The following ANKS1B variants were observed in gnomAD, a reference collection of about 807,000 sequenced individuals.
ANKS1B encodes the protein ankyrin repeat and sterile alpha motif domain-containing protein 1B.
ANKS1B carries 36 observed loss-of-function variants against 148.3 expected under a neutral mutation model. The observed-to-expected ratio is 0.24, with a 90% CI of 0.19 to 0.32. ANKS1B has a LOEUF of 0.32. Ranked by LOEUF, ANKS1B falls within the 10% of genes least tolerant of loss-of-function variation. ANKS1B has a pLI of 1.00. For missense variants in ANKS1B, 1,157 were observed against 1,542.6 expected, an observed-to-expected ratio of 0.75 and a Z score of 4.19; for synonymous variants, 542 against 560.8, an observed-to-expected ratio of 0.97 and a Z score of 0.47.
intron 1 of ANKS1B, among the ~76,000 whole-genome samples, chr12:99,916,912 A>G (rs1209183425): frequency 1.3e-5 from 2 of 152,240 alleles, no homozygotes; most frequent in Admixed American, 6.5e-5. Context: ...ACATATTTGG[A>G]AACATTAGAG....
At chr12:98,944,068 G>C (rs186106823) in intron 17 of ANKS1B, among the ~76,000 whole-genome samples, 1 of 152,244 alleles carries the variant, frequency 6.6e-6, no homozygotes, top group African/African-American at 2.4e-5. Context: ...GGGAGGCCGA[G>C]GCGGTTGGAA....
At chr12:99,575,478 AAGGAAAG>A (rs1326679369) in intron 9 of ANKS1B, among the ~76,000 whole-genome samples, 1 of 152,062 alleles carries the variant, frequency 6.6e-6, no homozygotes, top group Non-Finnish European at 1.5e-5. Flanking sequence ...GTAATTTATA[AAGGAAAG>A]AGGTTTAATT....
At chr12:99,505,066 A>C (rs2096694915) in intron 9 of ANKS1B, among the ~76,000 whole-genome samples, 1 of 151,886 alleles carries the variant, frequency 6.6e-6, no homozygotes, top group African/African-American at 2.4e-5. Flanking sequence ...GTGGGAAAAA[A>C]TTTTTCCCCA....
chr12:99,615,963 T>C (rs1397569735), intron 9 of ANKS1B, among the ~76,000 whole-genome samples: 1 of 152,090 alleles, frequency 6.6e-6, no homozygotes, highest in Non-Finnish European at 1.5e-5. Flanking sequence ...AAAATCAATG[T>C]GCAAAAATCA....
chr12:99,027,088 A>G (rs2099949183), intron 17 of ANKS1B, among the ~76,000 whole-genome samples: 1 of 152,190 alleles, frequency 6.6e-6, no homozygotes, highest in Non-Finnish European at 1.5e-5. Flanking sequence ...GATCCAGAAT[A>G]AGTTATTTAT....
At chr12:99,952,134 T>C (rs2095236305) in intron 1 of ANKS1B, among the ~76,000 whole-genome samples, 1 of 152,182 alleles carries the variant, frequency 6.6e-6, no homozygotes, top group Admixed American at 6.5e-5. Flanking sequence ...AAGTTTTCTA[T>C]AACAAAATTG....
intron 17 of ANKS1B, among the ~76,000 whole-genome samples, chr12:98,892,527 C>G (rs551630551): frequency 6.6e-6 from 1 of 152,184 alleles, no homozygotes; most frequent in South Asian, 2.1e-4. Context: ...CATTTCTGAC[C>G]AAAGGTAATC....
chr12:99,007,653 A>T (rs1424563048), intron 17 of ANKS1B, among the ~76,000 whole-genome samples: 1 of 152,078 alleles, frequency 6.6e-6, no homozygotes, highest in Non-Finnish European at 1.5e-5. Context: ...TTACTCAAGG[A>T]TCTACTGTGG....
intron 9 of ANKS1B, among the ~76,000 whole-genome samples, chr12:99,604,413 A>T (rs1211755643): frequency 3.9e-5 from 6 of 152,110 alleles, no homozygotes; most frequent in African/African-American, 1.4e-4. Context: ...TGGGTCAAAA[A>T]GACTTAATTT....
intron 22 of ANKS1B, among the ~76,000 whole-genome samples, chr12:98,786,820 G>C (rs2153536636): frequency 6.6e-6 from 1 of 152,254 alleles, no homozygotes; most frequent in African/African-American, 2.4e-5. Context: ...AGGCTAATGT[G>C]GGGAGGACGC....
intron 11 of ANKS1B, among the ~76,000 whole-genome samples, chr12:99,412,324 G>A (rs2094737270): frequency 6.6e-6 from 1 of 152,136 alleles, no homozygotes; most frequent in African/African-American, 2.4e-5. Context: ...AGGAGCTTCA[G>A]GGGGTCCTTC....
chr12:99,532,983 C>T (rs550074628), intron 9 of ANKS1B, among the ~76,000 whole-genome samples: 1 of 152,124 alleles, frequency 6.6e-6, no homozygotes, highest in African/African-American at 2.4e-5. Context: ...TGTTCTTTTT[C>T]CTTAGGACTG....
At chr12:99,173,144 C>A (rs1159032204) in intron 14 of ANKS1B, among the ~76,000 whole-genome samples, 1 of 152,106 alleles carries the variant, frequency 6.6e-6, no homozygotes, top group East Asian at 1.9e-4. Context: ...AGAAGAGGCA[C>A]TGAATTTATT....
rs182514576 is a variant in ANKS1B at position 98,785,913 on chromosome 12, C to G, written c.3343-3776G>C. On this transcript the variant is annotated intron_variant, in intron 22 of 26. Coordinates refer to ENST00000683438, the MANE Select transcript of ANKS1B (RefSeq NM_001352186.2). ...CCAGTGAAAGATGCTCAAGGCGAAC[C>G]TTCTGTTATCGTTTTCTTTCGTTTC... Among the ~76,000 whole-genome samples the G allele has an allele frequency of 7.9e-5, 12 of 152,234 alleles. No homozygotes were observed. In the East Asian group the frequency reaches 1.9e-3, roughly 25 times the overall value.
At chr12:99,838,749 T>C (rs1425279589) in intron 1 of ANKS1B, among the ~76,000 whole-genome samples, 1 of 152,146 alleles carries the variant, frequency 6.6e-6, no homozygotes, top group Non-Finnish European at 1.5e-5. Context: ...TATTTCTTTT[T>C]TTGATGAAAT....
chr12:98,985,661 TA>T (rs2099922878), intron 17 of ANKS1B, among the ~76,000 whole-genome samples: 1 of 152,042 alleles, frequency 6.6e-6, no homozygotes, highest in African/African-American at 2.4e-5. Flanking sequence ...TTTCCTCTTT[TA>T]TCCTTTGAAT....
At chr12:99,768,141 C>T (rs905569181) in intron 8 of ANKS1B, among the ~76,000 whole-genome samples, 12 of 152,046 alleles carry the variant, frequency 7.9e-5, no homozygotes, top group Admixed American at 6.6e-4. Context: ...AACATATTTC[C>T]TTACATTTTT....
At chr12:98,815,214 C>T (rs189608210) in intron 19 of ANKS1B, among the ~76,000 whole-genome samples, 1 of 152,324 alleles carries the variant, frequency 6.6e-6, no homozygotes, top group Admixed American at 6.5e-5. Flanking sequence ...ACATCACCCT[C>T]GGTTTCCTGC....
intron 16 of ANKS1B, among the ~76,000 whole-genome samples, chr12:99,082,772 C>A (rs937676849): frequency 6.6e-6 from 1 of 151,916 alleles, no homozygotes; most frequent in African/African-American, 2.4e-5. Flanking sequence ...GGAAGTTGCA[C>A]AAAGGAAGTG....
Sources: gnomAD v4.1 joint callset for allele counts (sites outside exome capture counted in the v4.1 genomes callset) on GRCh38, gnomAD v4.1.1 for gene constraint, MANE v1.5 for transcripts, NCBI Gene and HGNC (gene_info 2026-07-23, HGNC 2026-07-21) for gene names.